The following TENM2 variants were observed in gnomAD, a reference collection of about 807,000 sequenced individuals.
TENM2 encodes the protein teneurin transmembrane protein 2.
A neutral mutation model predicts 245.2 loss-of-function variants in TENM2; 52 were observed. The ratio of observed to expected loss-of-function variants is 0.21; its 90% CI spans 0.17 to 0.27. The LOEUF is 0.27. TENM2 is among the 10% of genes least tolerant of loss of function. The pLI is 1.00. For synonymous variants in TENM2, 1,363 were observed against 1,438.9 expected, an observed-to-expected ratio of 0.95 and a Z score of 1.19; for missense variants, 3,046 against 3,666.8, an observed-to-expected ratio of 0.83 and a Z score of 4.37.
At chr5:167,403,663 GGCAAC>G (rs1487328265) in intron 2 of TENM2, among the ~76,000 whole-genome samples, 2 of 152,008 alleles carry the variant, frequency 1.3e-5, no homozygotes, top group African/African-American at 4.8e-5. Context: ...AAATATACGT[GGCAAC>G]TTCTTCAGAA....
intron 13 of TENM2, among the ~76,000 whole-genome samples, chr5:168,180,450 A>T (rs1759769083): frequency 6.6e-6 from 1 of 152,234 alleles, no homozygotes; most frequent in Admixed American, 6.5e-5. Flanking sequence ...GGGAATGCGT[A>T]TTAACATCCT....
chr5:168,062,516 T>A (rs1261512464), intron 7 of TENM2, among the ~76,000 whole-genome samples: 2 of 152,144 alleles, frequency 1.3e-5, no homozygotes, highest in Non-Finnish European at 2.9e-5. Flanking sequence ...ATTGAGCAAT[T>A]CCACTTCTAG....
downstream of TENM2, chr5:168,263,393 C>T (rs184988215): frequency 1.4e-4 from 21 of 152,130 alleles, no homozygotes; most frequent in African/African-American, 5.1e-4. Flanking sequence ...AATACAGGTG[C>T]ATTTAAAACA....
intron 2 of TENM2, among the ~76,000 whole-genome samples, chr5:167,690,598 G>GT (rs1412396075): frequency 6.6e-6 from 1 of 151,990 alleles, no homozygotes; most frequent in African/African-American, 2.4e-5. Context: ...CCAGGCCTTG[G>GT]TTTTTTCATC....
rs138134540 is a variant in TENM2 at position 167,437,676 on chromosome 5, C to T, written c.502+62203C>T. ...ATTCCCCCATGTCATAGGTAGAACC[C>T]GGTGGGAGGTCATTGAATTACGGCT... is the stretch of plus-strand genomic sequence containing the variant. On this transcript the variant is annotated intron_variant, in intron 2 of 28. Coordinates refer to ENST00000518659, the Ensembl canonical transcript of TENM2. Among the ~76,000 whole-genome samples the T allele has an allele frequency of 3.9e-4, 60 of 152,156 alleles. 1 individual carries two copies. Among genetic ancestry groups the T allele is most frequent in the East Asian group, 5.8e-4 (3 of 5,172 alleles).
At chr5:168,096,885 A>G (rs1409747903) in intron 8 of TENM2, among the ~76,000 whole-genome samples, 1 of 152,234 alleles carries the variant, frequency 6.6e-6, no homozygotes, top group Non-Finnish European at 1.5e-5. Flanking sequence ...ATTTTTAAAG[A>G]ATATGACTAT....
intron 12 of TENM2, among the ~76,000 whole-genome samples, chr5:168,142,070 C>T (rs1011099828): frequency 5.3e-5 from 8 of 152,328 alleles, no homozygotes; most frequent in South Asian, 4.1e-4. Flanking sequence ...GCATGGTTTA[C>T]GGACATCCCA....
exon 21 of TENM2, chr5:168,215,177 T>C (rs543732602): frequency 1.9e-6 from 3 of 1,613,860 alleles, no homozygotes; most frequent in East Asian, 2.2e-5. Context: ...AATTCGGAAG[T>C]TGTGGCAGGG....
intron 2 of TENM2, among the ~76,000 whole-genome samples, chr5:167,386,152 G>A (rs574842798): frequency 4.5e-4 from 69 of 152,130 alleles, no homozygotes; most frequent in Admixed American, 9.2e-4. Flanking sequence ...CAGCAGTGTA[G>A]AAGTGTTCCC....
chr5:168,192,476 A>T (rs10072804), intron 14 of TENM2, among the ~76,000 whole-genome samples: 109,598 of 152,050 alleles, frequency 0.72, 40,119 homozygotes, highest in East Asian at 0.84. Flanking sequence ...CTTCTCTTTG[A>T]TCTTCAGACA....
chr5:167,173,239 C>T, the TENM2 span, among the ~76,000 whole-genome samples: 3,472 of 152,278 alleles, frequency 0.023, 115 homozygotes, highest in African/African-American at 0.078. Flanking sequence ...AGAAAACAAT[C>T]GGCAAACCTG....
chr5:167,780,068 C>T (rs1764086881), intron 2 of TENM2, among the ~76,000 whole-genome samples: 2 of 152,298 alleles, frequency 1.3e-5, no homozygotes, highest in South Asian at 4.1e-4. Flanking sequence ...TGGTGACACT[C>T]CGGGTGACTC....
intron 2 of TENM2, among the ~76,000 whole-genome samples, chr5:167,454,312 G>A (rs770074518): frequency 6.6e-6 from 1 of 152,166 alleles, no homozygotes; most frequent in Admixed American, 6.5e-5. Flanking sequence ...TGTTTAAAAT[G>A]AGAAGAACAG....
chr5:168,155,057 C>A (rs1424579494), intron 12 of TENM2, among the ~76,000 whole-genome samples: 1 of 152,202 alleles, frequency 6.6e-6, no homozygotes, highest in Non-Finnish European at 1.5e-5. Flanking sequence ...GAGGGACAAT[C>A]CCTGCCGTTT....
intron 2 of TENM2, among the ~76,000 whole-genome samples, chr5:167,632,283 A>G (rs1305995032): frequency 6.6e-6 from 1 of 152,218 alleles, no homozygotes; most frequent in African/African-American, 2.4e-5. Context: ...GGAGCAAAGC[A>G]TCTTGGATCC....
chr5:167,189,509 C>T, the TENM2 span, among the ~76,000 whole-genome samples: 1 of 151,644 alleles, frequency 6.6e-6, no homozygotes, highest in South Asian at 2.1e-4. Flanking sequence ...TTCCTTCCCC[C>T]TTTCTTCCTT....
Position 167,992,931 on chromosome 5 carries a change from C to T in TENM2, c.948-13C>T. ...ACCCATGACCACTCTGACTCTTTCC[C>T]TTTTCCTGGCAGGCACTTCCTCTTC... On this transcript the variant is annotated splice_polypyrimidine_tract_variant and intron_variant, in intron 4 of 28. Coordinates refer to ENST00000518659, the Ensembl canonical transcript of TENM2. The T allele has an allele frequency of 6.2e-7, 1 of 1,610,946 alleles. No homozygotes were observed. The highest frequency in any genetic ancestry group is 8.5e-7 in the Non-Finnish European group (1 of 1,177,232).
chr5:167,239,478 C>G, the TENM2 span, among the ~76,000 whole-genome samples: 1 of 152,274 alleles, frequency 6.6e-6, no homozygotes, highest in Admixed American at 6.5e-5. Flanking sequence ...CCTAACATAG[C>G]CCATTCACCT....
intron 6 of TENM2, among the ~76,000 whole-genome samples, chr5:168,055,618 C>T (rs1455860999): frequency 6.6e-6 from 1 of 152,164 alleles, no homozygotes; most frequent in East Asian, 1.9e-4. Flanking sequence ...CATTGGCCCT[C>T]TTTCATTAAT....
Sources: gnomAD v4.1 joint callset for allele counts (sites outside exome capture counted in the v4.1 genomes callset) on GRCh38, gnomAD v4.1.1 for gene constraint, MANE v1.5 for transcripts, NCBI Gene and HGNC (gene_info 2026-07-23, HGNC 2026-07-21) for gene names.